PLCG2: variants seen among roughly 807,000 people sequenced by gnomAD.
The protein encoded by PLCG2 is phospholipase C gamma 2.
A neutral mutation model predicts 175.6 loss-of-function variants in PLCG2; 69 were observed. The observed-to-expected ratio is 0.39, with a 90% CI of 0.32 to 0.48. PLCG2 has a LOEUF of 0.48. PLCG2 is among the 20% of genes least tolerant of loss of function. PLCG2 has a pLI of 0.91. For synonymous variants in PLCG2, 827 were observed against 624.0 expected, an observed-to-expected ratio of 1.33 and a Z score of -4.85; for missense variants, 1,798 against 1,650.9, an observed-to-expected ratio of 1.09 and a Z score of -1.54.
At position 81,788,214 on chromosome 16, in the gene PLCG2, TCA is replaced by T. The variant is rs1281193172; in HGVS notation, c.193+2033_193+2034del. Among the ~76,000 whole-genome samples, 6 of 152,316 alleles carry T rather than the reference TCA, an allele frequency of 3.9e-5. No homozygotes were observed. The South Asian group carries it at 1.0e-3, about 26-fold the overall frequency. On this transcript the variant is annotated intron_variant, in intron 2 of 32. Transcript: ENST00000564138. ...AAAAGGGTGATCGTTGCATTATTCT[TCA>T]TTTGTATATATGGGTATATCTGAAG...
chr16:81,860,382 T>C (rs1276175345), intron 5 of PLCG2, among the ~76,000 whole-genome samples: 1 of 151,994 alleles, frequency 6.6e-6, no homozygotes, highest in African/African-American at 2.4e-5. Context: ...GTAAACTCAT[T>C]TGAGGGAGCT....
intron 10 of PLCG2, 159 bp downstream of exon 10, chr16:81,889,432 C>CT: frequency 1.8e-6 from 1 of 567,986 alleles, no homozygotes; most frequent in East Asian, 2.9e-5. Flanking sequence ...CTTTTCTTTT[C>CT]TTTTTTCTCC....
chr16:81,868,395 C>T (rs1434118926), intron 5 of PLCG2, among the ~76,000 whole-genome samples: 2 of 152,086 alleles, frequency 1.3e-5, no homozygotes, highest in East Asian at 3.8e-4. Flanking sequence ...TTTGGGGGTG[C>T]AGGGGGTCCC....
chr16:81,797,786 C>G (rs974760035), intron 2 of PLCG2, among the ~76,000 whole-genome samples: 1 of 152,250 alleles, frequency 6.6e-6, no homozygotes, highest in African/African-American at 2.4e-5. Flanking sequence ...GACTGTGTGA[C>G]CTTAGGCAAT....
At chr16:81,934,889 G>T (rs559891067) in intron 26 of PLCG2, among the ~76,000 whole-genome samples, 2 of 152,094 alleles carry the variant, frequency 1.3e-5, no homozygotes, top group Non-Finnish European at 2.9e-5. Context: ...ATCAGATCTC[G>T]CGAGACTTAT....
At chr16:81,748,109 A>G (rs1288685559) in intron 1 of PLCG2, among the ~76,000 whole-genome samples, 1 of 152,180 alleles carries the variant, frequency 6.6e-6, no homozygotes, top group East Asian at 1.9e-4. Flanking sequence ...TCCTGACCTC[A>G]GATGATCCGC....
At chr16:81,864,228 C>G (rs1907118343) in intron 5 of PLCG2, among the ~76,000 whole-genome samples, 1 of 152,114 alleles carries the variant, frequency 6.6e-6, no homozygotes, top group Admixed American at 6.5e-5. Context: ...TCAACCAATC[C>G]CCAGGTGATG....
chr16:81,832,320 T>A (rs564378941), intron 2 of PLCG2, among the ~76,000 whole-genome samples: 1 of 152,330 alleles, frequency 6.6e-6, no homozygotes, highest in Non-Finnish European at 1.5e-5. Context: ...AATCCTCAGA[T>A]TAAGCAAAAG....
intron 2 of PLCG2, among the ~76,000 whole-genome samples, chr16:81,850,737 G>A (rs982482478): frequency 6.6e-6 from 1 of 152,190 alleles, no homozygotes; most frequent in Non-Finnish European, 1.5e-5. Context: ...CAGTGTAACA[G>A]CATAGAGAGC....
chr16:81,817,933 C>G (rs1034624202), intron 2 of PLCG2, among the ~76,000 whole-genome samples: 1 of 152,240 alleles, frequency 6.6e-6, no homozygotes, highest in African/African-American at 2.4e-5. Context: ...TAAGTGAACA[C>G]TTGGGGTTGA....
intron 1 of PLCG2, among the ~76,000 whole-genome samples, chr16:81,783,422 C>A (rs1341861054): frequency 6.6e-6 from 1 of 152,222 alleles, no homozygotes; most frequent in Non-Finnish European, 1.5e-5. Context: ...CGTTTTGCTA[C>A]TTTCTATCTG....
At chr16:81,927,836 T>C (rs1002209591) in intron 23 of PLCG2, among the ~76,000 whole-genome samples, 4 of 152,042 alleles carry the variant, frequency 2.6e-5, no homozygotes, top group African/African-American at 7.2e-5. Flanking sequence ...GAGGTGCAAG[T>C]GGGAGGTACA....
chr16:81,892,013 T>C (rs1412702500), intron 11 of PLCG2, among the ~76,000 whole-genome samples: 1 of 152,214 alleles, frequency 6.6e-6, no homozygotes, highest in Non-Finnish European at 1.5e-5. Context: ...GCAGCAGCCA[T>C]GTCCTCATGT....
At chr16:81,864,303 G>A (rs750094953) in intron 5 of PLCG2, among the ~76,000 whole-genome samples, 13 of 152,150 alleles carry the variant, frequency 8.5e-5, no homozygotes, top group Non-Finnish European at 1.5e-4. Context: ...GTCCAGCAGG[G>A]CACCCCTCAC....
At chr16:81,903,191 T>G (rs1909224820) in intron 14 of PLCG2, among the ~76,000 whole-genome samples, 1 of 152,332 alleles carries the variant, frequency 6.6e-6, no homozygotes, top group Non-Finnish European at 1.5e-5. Context: ...TCCTTCCAGG[T>G]TGGGACAATA....
At chr16:81,847,483 G>T (rs1416676055) in intron 2 of PLCG2, among the ~76,000 whole-genome samples, 2 of 151,836 alleles carry the variant, frequency 1.3e-5, no homozygotes, top group Non-Finnish European at 2.9e-5. Flanking sequence ...GGTTCCCCTG[G>T]CAGCCAACCT....
At chr16:81,862,914 TA>T (rs796554689) in intron 5 of PLCG2, among the ~76,000 whole-genome samples, 65 of 151,544 alleles carry the variant, frequency 4.3e-4, no homozygotes, top group African/African-American at 1.4e-3. Flanking sequence ...ACAACGAAAA[TA>T]AAAACAATTG....
chr16:81,817,969 G>T (rs1010995470), intron 2 of PLCG2, among the ~76,000 whole-genome samples: 3 of 152,214 alleles, frequency 2.0e-5, no homozygotes, highest in African/African-American at 7.2e-5. Context: ...GGAGAAGACA[G>T]ATTCTGGGAG....
intron 2 of PLCG2, among the ~76,000 whole-genome samples, chr16:81,840,706 C>A (rs1440800852): frequency 6.6e-6 from 1 of 152,136 alleles, no homozygotes; most frequent in African/African-American, 2.4e-5. Context: ...TTCGCTAGAC[C>A]CCTGCTCACC....
Sources: allele counts gnomAD v4.1 joint callset (sites outside exome capture counted in the v4.1 genomes callset), GRCh38; gene constraint gnomAD v4.1.1; transcripts MANE v1.5; gene names NCBI Gene and HGNC (gene_info 2026-07-23, HGNC 2026-07-21).